Variants in SSBP4 observed in about 807,000 individuals in gnomAD.
The protein encoded by SSBP4 is single stranded DNA binding protein 4, also known as single-stranded DNA-binding protein 4.
Under a neutral mutation model 64.6 loss-of-function variants are expected in SSBP4, and 33 were observed. The observed-to-expected ratio is 0.51, with a 90% CI of 0.39 to 0.68. The LOEUF (loss-of-function observed/expected upper bound fraction) is 0.68, where lower values mean the gene tolerates loss of function less well. Ranked by LOEUF, SSBP4 falls within the 30% of genes least tolerant of loss-of-function variation. SSBP4 has a pLI of 0.00. For synonymous variants in SSBP4, 243 were observed against 224.0 expected, an observed-to-expected ratio of 1.08 and a Z score of -0.76; for missense variants, 583 against 566.8, an observed-to-expected ratio of 1.03 and a Z score of -0.29.
In SSBP4 at chr19:18,426,853, C is replaced by T. The variant is rs1420944348; in HGVS notation, c.60-498C>T. 6.6e-6 allele frequency among the ~76,000 whole-genome samples: 1 copy of T among 152,150 alleles called. No individual in the cohort carries two copies. Among genetic ancestry groups the T allele is most frequent in the East Asian group, 1.9e-4 (1 of 5,200 alleles). ...CAGTCTGCAGAAAGGGTTGAGGCCACCATGGTGGATGGGCATCTCTTCCCC... is the reference window on the plus strand; with the variant it reads ...CAGTCTGCAGAAAGGGTTGAGGCCATCATGGTGGATGGGCATCTCTTCCCC... On this transcript the variant is annotated intron_variant, in intron 1 of 17. Coordinates refer to ENST00000270061, the MANE Select transcript of SSBP4 (RefSeq NM_032627.5). The surrounding 1 kb of genome is among the most constrained non-coding windows in gnomAD (Gnocchi z 4.5).
Position 18,431,361 on chromosome 19 carries a change from C to G in SSBP4, c.378C>G (p.Pro126=), listed in dbSNP as rs1162583519. The change falls in exon 6 of 18, where the codon CCC becomes CCG. Residue 126 remains proline, a synonymous_variant. Coordinates refer to ENST00000270061, the MANE Select transcript of SSBP4 (RefSeq NM_032627.5). ...SMAAGFFQGP[P]GSQPSPHNPN... is the part of the protein sequence containing the mutation. ...TGGTTCTGTCCTCCTAGGGCCCCCC[C>G]GGCTCCCAGCCGTCCCCCCACAACC... 6 of 1,068,486 alleles carry G rather than the reference C, an allele frequency of 5.6e-6. No individual in the cohort carries two copies. The highest frequency in any genetic ancestry group is 6.8e-6 in the Non-Finnish European group (5 of 733,046). 66.2% of individuals were successfully genotyped at this position (1,068,486 alleles called of 1,614,324 possible). A position where few individuals can be genotyped will look rare whatever the true frequency, so the allele number is the denominator to read the frequency against.
At chr19:18,420,473 C>T (rs1375835234) in intron 1 of SSBP4, among the ~76,000 whole-genome samples, 2 of 152,016 alleles carry the variant, frequency 1.3e-5, no homozygotes, top group African/African-American at 2.4e-5. Flanking sequence ...GGGGAGTCAG[C>T]CGAGTGTGCT....
Position 18,434,250 on chromosome 19 carries a change from G to GGCGGCCAC in SSBP4, c.*9_*10insCACGCGGC. The GGCGGCCAC allele has an allele frequency of 6.2e-7, 1 of 1,611,584 alleles. No homozygotes were observed. The highest frequency in any genetic ancestry group is 8.5e-7 in the Non-Finnish European group (1 of 1,179,464). On this transcript the variant is annotated 3_prime_UTR_variant, in exon 18 of 18. Coordinates refer to ENST00000270061, the MANE Select transcript of SSBP4 (RefSeq NM_032627.5). Reference sequence around the variant, plus strand: ...AGGGATGACCATGAGCGTGTGATGGGGCGGCAGCCCCGGGCCTCTCTGCGG... The same window carrying GGCGGCCAC: ...AGGGATGACCATGAGCGTGTGATGGGGCGGCCACGCGGCAGCCCCGGGCCTCTCTGCGG...
chr19:18,413,353 C>T, the SSBP4 span, among the ~76,000 whole-genome samples: 2 of 152,040 alleles, frequency 1.3e-5, no homozygotes, highest in Admixed American at 6.6e-5. Context: ...GGATTACATA[C>T]AGGCACGCGC....
At position 18,431,845 on chromosome 19, in the gene SSBP4, C is replaced by T. The variant is rs1434183762; in HGVS notation, c.548C>T (p.Pro183Leu). ...CCCCTCCTCCCTGGCGCCATGGAGC[C>T]CTCCCCACGAGCCCAGGGTGAGTAG... ...SQPLLPGAME[P>L]SPRAQGHPSM... Residue 183 changes from proline (P) to leucine (L), a missense_variant, in exon 8 of 18, where the codon CCC (proline) becomes CTC (leucine). Coordinates refer to ENST00000270061, the MANE Select transcript of SSBP4 (RefSeq NM_032627.5). 5 of 1,572,594 alleles carry T rather than the reference C, an allele frequency of 3.2e-6. No individual in the cohort carries two copies. Among genetic ancestry groups the T allele is most frequent in the Non-Finnish European group, 4.3e-6 (5 of 1,158,246 alleles).
intron 5 of SSBP4, 50 bp downstream of exon 5, chr19:18,430,980 G>A (rs1475901204): frequency 5.0e-6 from 8 of 1,585,476 alleles, no homozygotes; most frequent in South Asian, 3.4e-5. Flanking sequence ...CTGAACATGC[G>A]TTTGAGGGTG....
At chr19:18,424,820 G>C (rs972701011) in intron 1 of SSBP4, among the ~76,000 whole-genome samples, 2 of 150,374 alleles carry the variant, frequency 1.3e-5, no homozygotes, top group Non-Finnish European at 3.0e-5. Flanking sequence ...AGGCTCCTTG[G>C]ACAGGATGCA....
intron 4 of SSBP4, among the ~76,000 whole-genome samples, chr19:18,429,464 A>T (rs1354775725): frequency 4.6e-5 from 2 of 43,148 alleles, no homozygotes; most frequent in African/African-American, 8.8e-5. Flanking sequence ...TGCGGGTCGC[A>T]GGGGGCGGGG....
chr19:18,412,256 G>A, the SSBP4 span, among the ~76,000 whole-genome samples: 2 of 151,816 alleles, frequency 1.3e-5, no homozygotes, highest in Non-Finnish European at 2.9e-5. Context: ...AGGTCAGGAG[G>A]TCAAGACCAG....
chr19:18,420,081 C>T (rs1346132365), intron 1 of SSBP4: 8 of 145,650 alleles, frequency 5.5e-5, no homozygotes, highest in African/African-American at 2.1e-4. Context: ...GCGAGGCCTC[C>T]TCGAGACGTG....
chr19:18,434,372 G>A lies in SSBP4; in HGVS notation c.*126G>A, dbSNP rs1210522195. 1 of 1,471,994 alleles carries A rather than the reference G, an allele frequency of 6.8e-7. No individual in the cohort carries two copies. The highest frequency in any genetic ancestry group is 9.0e-7 in the Non-Finnish European group (1 of 1,112,520). 91.2% of individuals were successfully genotyped at this position (1,471,994 alleles called of 1,614,324 possible). On this transcript the variant is annotated 3_prime_UTR_variant, in exon 18 of 18. Transcript: ENST00000270061. ...GGCCAATCAAGGCTTGCCCAGCTGGGAGGCCCCACACGAAAGACTCTTACC... is the reference window on the plus strand; with the variant it reads ...GGCCAATCAAGGCTTGCCCAGCTGGAAGGCCCCACACGAAAGACTCTTACC...
the SSBP4 span, among the ~76,000 whole-genome samples, chr19:18,405,301 C>T: frequency 6.6e-6 from 1 of 152,120 alleles, no homozygotes; most frequent in African/African-American, 2.4e-5. Context: ...CAGCCTCCTC[C>T]TTCCTGGTTT....
the SSBP4 span, among the ~76,000 whole-genome samples, chr19:18,412,879 T>C: frequency 1.3e-5 from 2 of 152,094 alleles, no homozygotes; most frequent in Admixed American, 6.5e-5. Context: ...GGGCTTCCAG[T>C]AGCTGGCTCT....
intron 17 of SSBP4, 31 bp from the exon 18 acceptor site, chr19:18,434,186 C>T (rs576522256): frequency 3.7e-6 from 6 of 1,610,024 alleles, no homozygotes; most frequent in East Asian, 4.5e-5. Flanking sequence ...TGAACTCGGC[C>T]CCTGCGCGCT....
the SSBP4 span, among the ~76,000 whole-genome samples, chr19:18,408,144 T>C: frequency 2.0e-5 from 3 of 152,238 alleles, no homozygotes; most frequent in Admixed American, 6.5e-5. Flanking sequence ...GCCAAGCATG[T>C]CCCACCTGTG....
intron 6 of SSBP4, 77 bp downstream of exon 6, chr19:18,431,495 T>A: frequency 8.7e-7 from 1 of 1,147,884 alleles, no homozygotes; most frequent in Non-Finnish European, 1.2e-6. Flanking sequence ...CCTCAAGCCA[T>A]GAGGTCCTGG....
Position 18,431,374 on chromosome 19 carries a change from T to G in SSBP4, c.391T>G (p.Ser131Ala). ...CTAGGGCCCCCCCGGCTCCCAGCCG[T>G]CCCCCCACAACCCCAACGCCCCCAT... The part of the protein sequence containing the change: ...FFQGPPGSQP[S>A]PHNPNAPMMG... The change falls in exon 6 of 18, where the codon TCC (serine) becomes GCC (alanine). Residue 131 changes from serine to alanine, a missense_variant. Physicochemically the swap from Ser to Ala is moderately conservative, Grantham distance 99 (BLOSUM62 1). Around this residue, in one of 5 missense-constraint regions of SSBP4, gnomAD observed 444 missense variants for 386.6 expected, o/e 1.15. Coordinates refer to ENST00000270061, the MANE Select transcript of SSBP4 (RefSeq NM_032627.5). 2 of 965,674 alleles carry G rather than the reference T, an allele frequency of 2.1e-6. No individual in the cohort carries two copies. Among genetic ancestry groups the G allele is most frequent in the Non-Finnish European group, 2.7e-6 (2 of 732,660 alleles). 59.8% of individuals were successfully genotyped at this position (965,674 alleles called of 1,614,324 possible). A position where few individuals can be genotyped will look rare whatever the true frequency, so the allele number is the denominator to read the frequency against.
At chr19:18,403,508 G>A in the SSBP4 span, among the ~76,000 whole-genome samples, 6 of 152,132 alleles carry the variant, frequency 3.9e-5, no homozygotes, top group Non-Finnish European at 7.3e-5. Context: ...TGGGTTCTGG[G>A]GTATGGGGAT....
Position 18,427,332 on chromosome 19 carries a change from G to A in SSBP4, c.60-19G>A. On this transcript the variant is annotated intron_variant, in intron 1 of 17. Transcript: ENST00000270061. This position sits in a 1 kb window ranked among gnomAD's most constrained non-coding sequence, Gnocchi z 4.4. ...TGCCTTGGAGAGTCTGAGCTCCCTG[G>A]GCCGCCTCGCCCCCACAGGTTGGCG... The A allele has an allele frequency of 6.2e-7, 1 of 1,607,544 alleles. No homozygotes were observed. Among genetic ancestry groups the A allele is most frequent in the Non-Finnish European group, 8.5e-7 (1 of 1,179,568 alleles).
Sources: allele counts gnomAD v4.1 joint callset (sites outside exome capture counted in the v4.1 genomes callset), GRCh38; gene constraint gnomAD v4.1.1; regional missense constraint gnomAD v4.1.1; non-coding constraint Gnocchi (gnomAD v3.1); transcripts MANE v1.5; gene names NCBI Gene and HGNC (gene_info 2026-07-23, HGNC 2026-07-21).